ARL2BP: variants seen among roughly 807,000 people sequenced by gnomAD.
ARL2BP encodes ARF like GTPase 2 binding protein.
In ARL2BP, 19 loss-of-function variants were observed where a neutral mutation model predicts 24.2. The ratio of observed to expected loss-of-function variants is 0.79; its 90% CI spans 0.55 to 1.15. ARL2BP has a LOEUF of 1.15. Ranked by LOEUF, ARL2BP falls within the 50% of genes most tolerant of loss-of-function variation. The pLI is 0.00. For synonymous variants in ARL2BP, 56 were observed against 70.5 expected (o/e 0.79, Z 1.03); for missense variants, 160 against 190.4 (o/e 0.84, Z 0.94).
intron 2 of ARL2BP, among the ~76,000 whole-genome samples, chr16:57,247,797 A>G (rs1005502932): frequency 5.9e-5 from 9 of 152,156 alleles, no homozygotes; most frequent in African/African-American, 2.2e-4. Flanking sequence ...CACTGTTTCC[A>G]CAACTGCTGT....
chr16:57,250,902 A>T (rs1451578274), intron 5 of ARL2BP: 3 of 175,108 alleles, frequency 1.7e-5, no homozygotes, highest in Non-Finnish European at 2.4e-5. Context: ...CAGCCTCCCG[A>T]GTAGCTGATA....
chr16:57,250,469 T>C lies in ARL2BP; in HGVS notation c.352T>C (p.Phe118Leu), dbSNP rs1243871506. The change falls in exon 5 of 6, where the codon TTT becomes CTT. Residue 118 changes from phenylalanine to leucine, a missense_variant. Phe to Leu is a conservative substitution (Grantham distance 22). Transcript: ENST00000219204. ...IFDMLLTFTD[F>L]LAFKEMFLDY... Reference sequence around the variant, plus strand: ...CGACATGCTGCTCACCTTCACAGATTTTCTGGCTTTTAAAGAAATGTTTTT... The same window carrying C: ...CGACATGCTGCTCACCTTCACAGATCTTCTGGCTTTTAAAGAAATGTTTTT... 1 of 1,614,070 alleles carries C rather than the reference T, an allele frequency of 6.2e-7. No homozygotes were observed. The highest frequency in any genetic ancestry group is 2.2e-5 in the East Asian group (1 of 44,902).
Position 57,252,379 on chromosome 16 carries a change from C to CATT in ARL2BP, c.*113_*115dup. ...AGACTGACTCTGTTATGTAACTCTT[C>CATT]ATTTATGTTAAGTATTAATAGGTCA... On this transcript the variant is annotated 3_prime_UTR_variant, in exon 6 of 6. Coordinates refer to ENST00000219204, the MANE Select transcript of ARL2BP (RefSeq NM_012106.4). The CATT allele has an allele frequency of 6.3e-7, 1 of 1,578,734 alleles. No homozygotes were observed. The highest frequency in any genetic ancestry group is 1.3e-5 in the African/African-American group (1 of 74,152).
At position 57,251,915 on chromosome 16, in the gene ARL2BP, T is replaced by C. The variant is rs537767067; in HGVS notation, c.391-251T>C. On this transcript the variant is annotated intron_variant, in intron 5 of 5. Coordinates refer to ENST00000219204, the MANE Select transcript of ARL2BP (RefSeq NM_012106.4). ...AGGAATTCCAGGCAGCAGTTAGCTG[T>C]GATCAAGCCACTATACTCCAGCCTG... 1.7e-5 allele frequency: 7 copies of C among 405,518 alleles called. No individual in the cohort carries two copies. The East Asian group carries it at 2.9e-4, about 17-fold the overall frequency. The allele number at this position is 405,518 out of a possible 1,614,324, so 25.1% of individuals were successfully genotyped here.
rs1191190440 is a variant in ARL2BP at position 57,245,350 on chromosome 16, C to G, written c.-18C>G. The G allele has an allele frequency of 6.2e-7, 1 of 1,603,782 alleles. No individual in the cohort carries two copies. The highest frequency in any genetic ancestry group is 8.5e-7 in the Non-Finnish European group (1 of 1,176,264). ...GTTGGGCCGCGGGCGGGGTTGGAGC[C>G]TACTCGGGGCGACTGCGATGGACGC... On this transcript the variant is annotated 5_prime_UTR_variant, in exon 1 of 6. Transcript: ENST00000219204.
chr16:57,248,018 T>C (rs1352880597), intron 2 of ARL2BP, among the ~76,000 whole-genome samples: 1 of 151,658 alleles, frequency 6.6e-6, no homozygotes, highest in Non-Finnish European at 1.5e-5. Context: ...CACCACAATT[T>C]AAAAAGAAAA....
rs756436550 is a variant in ARL2BP, at chr16:57,253,018, AC to A, written c.*752del. The A allele has an allele frequency of 6.5e-6, 1 of 152,700 alleles. No homozygotes were observed. The highest frequency in any genetic ancestry group is 6.5e-5 in the Admixed American group (1 of 15,274). 9.5% of individuals were successfully genotyped at this position (152,700 alleles called of 1,614,324 possible). A position where few individuals can be genotyped will look rare whatever the true frequency, so the allele number is the denominator to read the frequency against. On this transcript the variant is annotated 3_prime_UTR_variant, in exon 6 of 6. Transcript: ENST00000219204. ...GATCTTGGAACTTCCATGATTATCC[AC>A]TTAAAGATCAAAGTATTATATGCTG...
chr16:57,246,010 A>G (rs1443153789), intron 1 of ARL2BP, 70 bp from the exon 2 acceptor site: 30 of 1,476,330 alleles, frequency 2.0e-5, no homozygotes, highest in African/African-American at 2.8e-5. Flanking sequence ...CATGTTTGAA[A>G]ACGTCCATAC....
chr16:57,252,203 T>C lies in ARL2BP; in HGVS notation c.428T>C (p.Leu143Ser). The C allele has an allele frequency of 6.2e-7, 1 of 1,614,152 alleles. No individual in the cohort carries two copies. Among genetic ancestry groups the C allele is most frequent in the East Asian group, 2.2e-5 (1 of 44,886 alleles). Residue 143 changes from leucine to serine, a missense_variant, in exon 6 of 6, where the codon TTA becomes TCA. Leu to Ser is a moderately radical substitution (Grantham distance 145, BLOSUM62 -2). Coordinates refer to ENST00000219204, the MANE Select transcript of ARL2BP (RefSeq NM_012106.4). ...EGRGLDLSSG[L>S]VVTSLCKSSS... Reference sequence around the variant, plus strand: ...CGAGGACTGGACTTAAGCAGTGGCTTAGTGGTGACTTCATTGTGCAAATCA... The same window carrying C: ...CGAGGACTGGACTTAAGCAGTGGCTCAGTGGTGACTTCATTGTGCAAATCA...
In ARL2BP at chr16:57,250,457, A is replaced by C; in HGVS notation, c.340A>C (p.Thr114Pro). The part of the protein sequence containing the change: ...VAGDIFDMLL[T>P]FTDFLAFKEM... The stretch of plus-strand genomic sequence containing the variant: ...TGGTGACATATTCGACATGCTGCTC[A>C]CCTTCACAGATTTTCTGGCTTTTAA... Residue 114 changes from threonine to proline, a missense_variant, in exon 5 of 6, where the codon ACC becomes CCC. By Grantham distance (38) the Thr-to-Pro change is conservative (BLOSUM62 -1). Coordinates refer to ENST00000219204, the MANE Select transcript of ARL2BP (RefSeq NM_012106.4). The C allele has an allele frequency of 1.2e-6, 2 of 1,614,210 alleles. No individual in the cohort carries two copies. Among genetic ancestry groups the C allele is most frequent in the Non-Finnish European group, 1.7e-6 (2 of 1,180,034 alleles).
chr16:57,251,917 A>G (rs2075409441), intron 5 of ARL2BP: 1 of 418,380 alleles, frequency 2.4e-6, no homozygotes, highest in African/African-American at 2.0e-5. Context: ...GTTAGCTGTG[A>G]TCAAGCCACT....
At chr16:57,250,783 T>G (rs1057273307) in intron 5 of ARL2BP, 13 of 370,704 alleles carry the variant, frequency 3.5e-5, no homozygotes, top group African/African-American at 2.8e-4. Context: ...TTTTATTTAT[T>G]TTTTTTTTTG....
intron 2 of ARL2BP, chr16:57,248,311 CAAAAAAAAAA>C (rs1161528446): frequency 1.7e-3 from 82 of 49,254 alleles, no homozygotes; most frequent in East Asian, 0.01. Flanking sequence ...AACTCCAGCT[CAAAAAAAAAA>C]AAAAAAAAAA....
chr16:57,248,311 C>CAAAAAAAAAAAAAA (rs1161528446), intron 2 of ARL2BP: 113 of 49,020 alleles, frequency 2.3e-3, no homozygotes, highest in Middle Eastern at 8.2e-3. Context: ...AACTCCAGCT[C>CAAAAAAAAAAAAAA]AAAAAAAAAA....
chr16:57,250,649 A>G (rs1276182192), intron 5 of ARL2BP, 142 bp downstream of exon 5: 2 of 674,020 alleles, frequency 3.0e-6, no homozygotes, highest in African/African-American at 3.6e-5. Context: ...GTGAGCTGCT[A>G]TTCTGTTGTG....
In ARL2BP at chr16:57,246,317, C is replaced by A. The variant is rs375580915; in HGVS notation, c.100+176C>A. ...CAGTTTGTCTTAGAAACAAACAGCCCAGTACTCCTGAAAACATCTAATAAG... is the reference window on the plus strand; with the variant it reads ...CAGTTTGTCTTAGAAACAAACAGCCAAGTACTCCTGAAAACATCTAATAAG... On this transcript the variant is annotated intron_variant, in intron 2 of 5. Coordinates refer to ENST00000219204, the MANE Select transcript of ARL2BP (RefSeq NM_012106.4). The A allele has an allele frequency of 4.0e-4, 251 of 633,898 alleles. 4 individuals carry two copies. The South Asian group carries it at 4.7e-3, about 12-fold the overall frequency. The allele number at this position is 633,898 out of a possible 1,614,324, so 39.3% of individuals were successfully genotyped here.
chr16:57,251,937 C>G lies in ARL2BP; in HGVS notation c.391-229C>G. 3 of 467,612 alleles carry G rather than the reference C, an allele frequency of 6.4e-6. No individual in the cohort carries two copies. The East Asian group carries it at 1.2e-4, about 18-fold the overall frequency. The allele number at this position is 467,612 out of a possible 1,614,324, so 29.0% of individuals were successfully genotyped here. ...CTGTGATCAAGCCACTATACTCCAG[C>G]CTGGGTGACAGAGCAAGACCCTACC... On this transcript the variant is annotated intron_variant, in intron 5 of 5. Coordinates refer to ENST00000219204, the MANE Select transcript of ARL2BP (RefSeq NM_012106.4).
At position 57,245,373 on chromosome 16, in the gene ARL2BP, C is replaced by T. The variant is rs372559396; in HGVS notation, c.6C>T (p.Asp2=). Reference sequence around the variant, plus strand: ...GCCTACTCGGGGCGACTGCGATGGACGCCTTAGAAGGAGAGAGCTTTGCGC... The same window carrying T: ...GCCTACTCGGGGCGACTGCGATGGATGCCTTAGAAGGAGAGAGCTTTGCGC... M[D]ALEGESFALS... The change falls in exon 1 of 6, where the codon GAC becomes GAT. Residue 2 remains aspartate (D), a synonymous_variant. Transcript: ENST00000219204. 6.2e-7 allele frequency: 1 copy of T among 1,607,128 alleles called. No homozygotes were observed. The highest frequency in any genetic ancestry group is 1.1e-5 in the South Asian group (1 of 89,264).
rs2075388039 is a variant in ARL2BP, at chr16:57,245,668, C to T, written c.38+263C>T. 2.6e-5 allele frequency among the ~76,000 whole-genome samples: 4 copies of T among 152,268 alleles called. 1 individual carries two copies. In the South Asian group the frequency reaches 6.2e-4, roughly 24 times the overall value. On this transcript the variant is annotated intron_variant, in intron 1 of 5. Coordinates refer to ENST00000219204, the MANE Select transcript of ARL2BP (RefSeq NM_012106.4). ...TCCATCACAATCCCCAGCCGCCAACCCTCAGCTGTCAGCAAAGCCTGGAGG... is the reference window on the plus strand; with the variant it reads ...TCCATCACAATCCCCAGCCGCCAACTCTCAGCTGTCAGCAAAGCCTGGAGG...
Sources: allele counts gnomAD v4.1 joint callset (sites outside exome capture counted in the v4.1 genomes callset), GRCh38; gene constraint gnomAD v4.1.1; transcripts MANE v1.5; gene names NCBI Gene and HGNC (gene_info 2026-07-23, HGNC 2026-07-21).